Variants in ZNF212 observed in about 807,000 individuals in gnomAD.
The protein encoded by ZNF212 is zinc finger protein 212.
ZNF212 carries 32 observed loss-of-function variants against 47.3 expected under a neutral mutation model. That is an observed-to-expected ratio of 0.68 (90% confidence interval 0.51 to 0.91). The LOEUF is 0.91. Among genes scored for constraint, ZNF212 ranks in the 40% least tolerant of loss-of-function variants. The pLI is 0.00. For synonymous variants in ZNF212, 242 were observed against 253.8 expected (o/e 0.95, Z 0.44); for missense variants, 555 against 622.8 (o/e 0.89, Z 1.16).
rs10263282 is a variant in ZNF212, at chr7:149,250,154, A to T, written c.25-5A>T. The stretch of plus-strand genomic sequence containing the variant: ...GACATTGACCCTGTGTCTTTAATCC[A>T]TCAGCACAGGAGAAAACGACGCTCC... On this transcript the variant is annotated splice_polypyrimidine_tract_variant and splice_region_variant and intron_variant, in intron 1 of 4. Coordinates refer to ENST00000335870, the MANE Select transcript of ZNF212 (RefSeq NM_012256.4). 29,956 of 1,515,172 alleles carry T rather than the reference A, an allele frequency of 0.02. 589 individuals carry two copies. The highest frequency in any genetic ancestry group is 0.087 in the African/African-American group (6,253 of 71,740). 93.9% of individuals were successfully genotyped at this position (1,515,172 alleles called of 1,614,324 possible).
intron 4 of ZNF212, 145 bp from the exon 5 acceptor site, chr7:149,253,414 A>C (rs1585597946): frequency 1.4e-5 from 13 of 948,966 alleles, no homozygotes; most frequent in Non-Finnish European, 2.0e-5. Context: ...AAGTCTTGGA[A>C]CCTAGCCAGT....
At chr7:149,244,443 G>T (rs1796646738) in intron 1 of ZNF212, among the ~76,000 whole-genome samples, 2 of 152,092 alleles carry the variant, frequency 1.3e-5, no homozygotes, top group South Asian at 4.2e-4. Context: ...CTCCCCAGTG[G>T]CTGGGACTGC....
In ZNF212 at chr7:149,254,472, A is replaced by C. The variant is rs1796809307; in HGVS notation, c.*57A>C. The stretch of plus-strand genomic sequence containing the variant: ...AGGGGGGTGGCATTGGTTCCCCCGA[A>C]GAGACACTGCAGTCAGGGACTGAGT... On this transcript the variant is annotated 3_prime_UTR_variant, in exon 5 of 5. Coordinates refer to ENST00000335870, the MANE Select transcript of ZNF212 (RefSeq NM_012256.4). This position sits in a 1 kb window ranked among gnomAD's most constrained non-coding sequence, Gnocchi z 4.5. The C allele has an allele frequency of 6.5e-7, 1 of 1,532,168 alleles. No individual in the cohort carries two copies. Among genetic ancestry groups the C allele is most frequent in the African/African-American group, 1.4e-5 (1 of 73,142 alleles). The allele number at this position is 1,532,168 out of a possible 1,614,324, so 94.9% of individuals were successfully genotyped here. A position where few individuals can be genotyped will look rare whatever the true frequency, so the allele number is the denominator to read the frequency against.
intron 1 of ZNF212, among the ~76,000 whole-genome samples, chr7:149,241,077 C>T (rs1224291217): frequency 6.6e-6 from 1 of 152,182 alleles, no homozygotes; most frequent in Non-Finnish European, 1.5e-5. Flanking sequence ...ACAGTTCTTC[C>T]TGCCAGGTCA....
chr7:149,240,205 T>A, intron 1 of ZNF212: 3 of 195,084 alleles, frequency 1.5e-5, no homozygotes, highest in Non-Finnish European at 3.1e-5. Context: ...CTTGCCTCTC[T>A]GCGACCACCT....
rs1347322565 is a variant in ZNF212, at chr7:149,252,787, C to G, written c.623C>G (p.Ala208Gly). The change falls in exon 4 of 5, where the codon GCC becomes GGC. Residue 208 changes from alanine (A) to glycine (G), a missense_variant. Ala to Gly is a moderately conservative substitution (Grantham distance 60). Coordinates refer to ENST00000335870, the MANE Select transcript of ZNF212 (RefSeq NM_012256.4). ...GDLEEEGPGGAHPAGGVMIKQ... is the reference protein window; with the variant it reads ...GDLEEEGPGGGHPAGGVMIKQ... ...TTGGAAGAGGAAGGTCCTGGTGGTG[C>G]CCACCCAGGTGAGTGGCTCTGGAAT... The G allele has an allele frequency of 7.4e-6, 12 of 1,613,852 alleles. No individual in the cohort carries two copies. The highest frequency in any genetic ancestry group is 1.0e-5 in the Non-Finnish European group (12 of 1,179,946).
rs71194634 is a variant in ZNF212, at chr7:149,251,491, CTT to C, written c.541+707_541+708del. On this transcript the variant is annotated intron_variant, in intron 3 of 4. Coordinates refer to ENST00000335870, the MANE Select transcript of ZNF212 (RefSeq NM_012256.4). ...AGCCACTGCGTCTGGCCTGTTTTATCTTTTTTTTTTTTTTTTTTTTTTTTGAG... is the reference window on the plus strand; with the variant it reads ...AGCCACTGCGTCTGGCCTGTTTTATCTTTTTTTTTTTTTTTTTTTTTTGAG... Among the ~76,000 whole-genome samples the C allele has an allele frequency of 2.2e-3, 173 of 77,422 alleles. 1 individual carries two copies. Among genetic ancestry groups the C allele is most frequent in the African/African-American group, 8.5e-3 (162 of 19,082 alleles). The allele number at this position is 77,422 out of a possible 152,430, so 50.8% of individuals were successfully genotyped here.
intron 1 of ZNF212, among the ~76,000 whole-genome samples, chr7:149,243,433 CAAAAAAAAAAA>C (rs869068988): frequency 1.4e-4 from 8 of 56,020 alleles, no homozygotes; most frequent in Admixed American, 2.3e-4. Context: ...GACTCCGTCT[CAAAAAAAAAAA>C]AAAAAAAAAA....
rs35747561 is a variant in ZNF212, at chr7:149,241,431, CAAAA to C, written c.24+1647_24+1650del. 5.2e-5 allele frequency among the ~76,000 whole-genome samples: 4 copies of C among 76,756 alleles called. No individual in the cohort carries two copies. The East Asian group carries it at 1.1e-3, about 22-fold the overall frequency. The allele number at this position is 76,756 out of a possible 152,430, so 50.4% of individuals were successfully genotyped here. A position where few individuals can be genotyped will look rare whatever the true frequency, so the allele number is the denominator to read the frequency against. On this transcript the variant is annotated intron_variant, in intron 1 of 4. Coordinates refer to ENST00000335870, the MANE Select transcript of ZNF212 (RefSeq NM_012256.4). ...TGGGTGACAGAGCAAGACTCTGTCTCAAAAAAAAAAAAAAAAAAAAAGTCCACCA... is the reference window on the plus strand; with the variant it reads ...TGGGTGACAGAGCAAGACTCTGTCTCAAAAAAAAAAAAAAAAAGTCCACCA...
intron 4 of ZNF212, 143 bp from the exon 5 acceptor site, chr7:149,253,416 C>T (rs1585597948): frequency 1.0e-6 from 1 of 976,568 alleles, no homozygotes; most frequent in African/African-American, 1.6e-5. Flanking sequence ...GTCTTGGAAC[C>T]TAGCCAGTGT....
intron 1 of ZNF212, among the ~76,000 whole-genome samples, chr7:149,244,217 G>A (rs1176592998): frequency 6.6e-6 from 1 of 152,236 alleles, no homozygotes; most frequent in South Asian, 2.1e-4. Flanking sequence ...TTACAGGCAC[G>A]AGCCACTGTG....
At chr7:149,239,928 G>T in intron 1 of ZNF212, 126 bp downstream of exon 1, 1 of 1,123,592 alleles carries the variant, frequency 8.9e-7, no homozygotes, top group South Asian at 3.3e-5. Context: ...GTTGGCGCGG[G>T]TGAACGCGGA....
chr7:149,241,480 A>C (rs1288059446), intron 1 of ZNF212, among the ~76,000 whole-genome samples: 1 of 151,004 alleles, frequency 6.6e-6, no homozygotes, highest in East Asian at 1.9e-4. Flanking sequence ...ACTATGCCTT[A>C]AATAACATGA....
chr7:149,249,726 C>T lies in ZNF212; in HGVS notation c.25-433C>T, dbSNP rs1272218985. Among the ~76,000 whole-genome samples, 3 of 152,196 alleles carry T rather than the reference C, an allele frequency of 2.0e-5. No individual in the cohort carries two copies. In the East Asian group the frequency reaches 5.8e-4, roughly 29 times the overall value. On this transcript the variant is annotated intron_variant, in intron 1 of 4. Transcript: ENST00000335870. ...CACTGTAGCCTCAACCTCCTGGGCT[C>T]AAACCGTCCTCCCACCTCAGTGCCC...
intron 1 of ZNF212, among the ~76,000 whole-genome samples, chr7:149,242,632 C>CA (rs1471028236): frequency 1.3e-5 from 2 of 152,004 alleles, no homozygotes; most frequent in Admixed American, 6.6e-5. Context: ...AAAATTTTCC[C>CA]AAATAGAAAG....
chr7:149,254,224 G>C lies in ZNF212; in HGVS notation c.1297G>C (p.Gly433Arg). ...GAGTTCCCTCATCTGTGGTTACTGT[G>C]GCAAGAGCTTCAGTCACCCATCTGA... Reference protein sequence around the residue: ...SRSSLICGYCGKSFSHPSDLV... With the variant: ...SRSSLICGYCRKSFSHPSDLV... Residue 433 changes from glycine to arginine, a missense_variant, in exon 5 of 5, where the codon GGC becomes CGC. By Grantham distance (125) the Gly-to-Arg change is moderately radical. Transcript: ENST00000335870. This position sits in a 1 kb window ranked among gnomAD's most constrained non-coding sequence, Gnocchi z 4.5. 6.2e-7 allele frequency: 1 copy of C among 1,614,256 alleles called. No homozygotes were observed. Among genetic ancestry groups the C allele is most frequent in the South Asian group, 1.1e-5 (1 of 91,090 alleles).
At chr7:149,250,928 G>T in intron 3 of ZNF212, 121 bp downstream of exon 3, 1 of 1,358,422 alleles carries the variant, frequency 7.4e-7, no homozygotes, top group Non-Finnish European at 1.0e-6. Flanking sequence ...CGGCCTGCAC[G>T]GGCAGAGAAA....
At chr7:149,242,273 C>T (rs1160274865) in intron 1 of ZNF212, among the ~76,000 whole-genome samples, 4 of 151,552 alleles carry the variant, frequency 2.6e-5, no homozygotes, top group African/African-American at 7.3e-5. Flanking sequence ...CCACCTGCCT[C>T]GGCCTCCCAA....
At chr7:149,250,643 G>A in intron 2 of ZNF212, 38 bp from the exon 3 acceptor site, 1 of 1,613,878 alleles carries the variant, frequency 6.2e-7, no homozygotes, top group Non-Finnish European at 8.5e-7. Context: ...TCATAGCTGT[G>A]AGTAGAAGCA....
Sources: allele counts gnomAD v4.1 joint callset (sites outside exome capture counted in the v4.1 genomes callset), GRCh38; gene constraint gnomAD v4.1.1; non-coding constraint Gnocchi (gnomAD v3.1); transcripts MANE v1.5; gene names NCBI Gene and HGNC (gene_info 2026-07-23, HGNC 2026-07-21).